Variants in VAV2 observed in about 807,000 individuals in gnomAD.
The protein encoded by VAV2 is guanine nucleotide exchange factor VAV2.
In VAV2, 67 loss-of-function variants were observed where a neutral mutation model predicts 132.5. The ratio of observed to expected loss-of-function variants is 0.51; its 90% CI spans 0.42 to 0.62. VAV2 has a LOEUF of 0.62. VAV2 is among the 20% of genes least tolerant of loss of function. VAV2 has a pLI of 0.00. For synonymous variants in VAV2, 492 were observed against 443.5 expected, an observed-to-expected ratio of 1.11 and a Z score of -1.37; for missense variants, 938 against 1,153.6, an observed-to-expected ratio of 0.81 and a Z score of 2.71.
chr9:133,866,553 C>G (rs1837807660), intron 2 of VAV2, among the ~76,000 whole-genome samples: 1 of 152,092 alleles, frequency 6.6e-6, no homozygotes, highest in Non-Finnish European at 1.5e-5. Flanking sequence ...CCTGTAATCC[C>G]AGCACTTTGG....
chr9:133,897,607 C>A (rs959940394), intron 2 of VAV2, among the ~76,000 whole-genome samples: 2 of 152,096 alleles, frequency 1.3e-5, no homozygotes, highest in Non-Finnish European at 1.5e-5. Context: ...TCCCCACCTC[C>A]GCAGCAACAC....
intron 2 of VAV2, among the ~76,000 whole-genome samples, chr9:133,936,836 G>A (rs1425044257): frequency 2.0e-5 from 3 of 152,156 alleles, no homozygotes; most frequent in Admixed American, 6.5e-5. Flanking sequence ...CACCACCACT[G>A]ACCGCCACGG....
chr9:133,807,337 G>C lies in VAV2; in HGVS notation c.667-11C>G, dbSNP rs929137876. On this transcript the variant is annotated splice_polypyrimidine_tract_variant and intron_variant, in intron 7 of 29. Coordinates refer to ENST00000371850, the MANE Select transcript of VAV2 (RefSeq NM_001134398.2). The stretch of plus-strand genomic sequence containing the variant: ...GGGGCTCATGTAGTTCTGGAAGAGA[G>C]AAGTCCACCTCTGCCACCCTGCTGC... 1.9e-6 allele frequency: 3 copies of C among 1,604,448 alleles called. No individual in the cohort carries two copies. Among genetic ancestry groups the C allele is most frequent in the Non-Finnish European group, 2.6e-6 (3 of 1,176,132 alleles).
chr9:133,939,260 T>C, intron 1 of VAV2, 41 bp from the exon 2 acceptor site: 5 of 1,561,226 alleles, frequency 3.2e-6, no homozygotes, highest in Non-Finnish European at 4.4e-6. Flanking sequence ...AAAAACTTAT[T>C]AAAACTGTAA....
chr9:133,935,147 C>T lies in VAV2; in HGVS notation c.321+3956G>A, dbSNP rs976003629. Among the ~76,000 whole-genome samples, 2 of 152,078 alleles carry T rather than the reference C, an allele frequency of 1.3e-5. No individual in the cohort carries two copies. The highest frequency in any genetic ancestry group is 1.9e-4 in the East Asian group (1 of 5,196). ...GGGTGGGAGGAACAGGGGGAGGGCA[C>T]GCAGCCATATCTTCATGGTCTGAGG... On this transcript the variant is annotated intron_variant, in intron 2 of 29. Coordinates refer to ENST00000371850, the MANE Select transcript of VAV2 (RefSeq NM_001134398.2). This position sits in a 1 kb window ranked among gnomAD's most constrained non-coding sequence, Gnocchi z 5.2.
At chr9:133,920,063 G>A (rs1329962221) in intron 2 of VAV2, among the ~76,000 whole-genome samples, 2 of 152,164 alleles carry the variant, frequency 1.3e-5, no homozygotes, top group African/African-American at 2.4e-5. Context: ...AGCTGCACGG[G>A]GAACTGACAG....
chr9:133,928,390 G>A lies in VAV2; in HGVS notation c.321+10713C>T, dbSNP rs1408821005. On this transcript the variant is annotated intron_variant, in intron 2 of 29. Transcript: ENST00000371850. The surrounding 1 kb of genome is among the most constrained non-coding windows in gnomAD (Gnocchi z 5.4). ...AACAGCCCCTGCGCCGGGCTCTGCCGGGAGCCTGAGGCAGCTCCCCACCCC... is the reference window on the plus strand; with the variant it reads ...AACAGCCCCTGCGCCGGGCTCTGCCAGGAGCCTGAGGCAGCTCCCCACCCC... Among the ~76,000 whole-genome samples, 1 of 152,144 alleles carries A rather than the reference G, an allele frequency of 6.6e-6. No individual in the cohort carries two copies. Among genetic ancestry groups the A allele is most frequent in the South Asian group, 2.1e-4 (1 of 4,836 alleles).
intron 9 of VAV2, among the ~76,000 whole-genome samples, chr9:133,801,887 G>T (rs1399783047): frequency 6.6e-6 from 1 of 152,200 alleles, no homozygotes; most frequent in Non-Finnish European, 1.5e-5. Flanking sequence ...GCCTCTGCAG[G>T]AAGCATGACC....
chr9:133,818,627 A>G (rs1243674592), intron 4 of VAV2, among the ~76,000 whole-genome samples: 2 of 152,196 alleles, frequency 1.3e-5, no homozygotes, highest in African/African-American at 2.4e-5. Context: ...TGCAGGCAGC[A>G]TATGGCGGGA....
intron 12 of VAV2, among the ~76,000 whole-genome samples, chr9:133,793,389 A>C (rs573366869): frequency 4.4e-4 from 67 of 152,134 alleles, no homozygotes; most frequent in Non-Finnish European, 8.8e-4. Flanking sequence ...CGTTCCTAGA[A>C]GACCTCACCA....
At chr9:133,974,936 T>TC (rs1842458095) in intron 1 of VAV2, among the ~76,000 whole-genome samples, 2 of 152,108 alleles carry the variant, frequency 1.3e-5, no homozygotes, top group Non-Finnish European at 2.9e-5. Flanking sequence ...TGTGGTACCG[T>TC]GGGGAGCGGG....
At chr9:133,911,497 T>C (rs1434704647) in intron 2 of VAV2, among the ~76,000 whole-genome samples, 2 of 152,246 alleles carry the variant, frequency 1.3e-5, no homozygotes, top group Non-Finnish European at 2.9e-5. Flanking sequence ...TGTCATGTCC[T>C]TATTTTTACA....
chr9:133,944,649 G>A (rs1841295057), intron 1 of VAV2, among the ~76,000 whole-genome samples: 1 of 152,242 alleles, frequency 6.6e-6, no homozygotes, highest in African/African-American at 2.4e-5. Flanking sequence ...AGGATTCAGG[G>A]GCAAATGGAG....
At position 133,794,711 on chromosome 9, in the gene VAV2, G is replaced by A. The variant is rs7037437; in HGVS notation, c.1101+957C>T. 0.55 allele frequency among the ~76,000 whole-genome samples: 83,457 copies of A among 151,640 alleles called. 23,375 individuals are homozygous for A. The highest frequency in any genetic ancestry group is 0.65 in the African/African-American group (26,697 of 41,322). On this transcript the variant is annotated intron_variant, in intron 12 of 29. Transcript: ENST00000371850. This position sits in a 1 kb window ranked among gnomAD's most constrained non-coding sequence, Gnocchi z 4.6. ...CTCCCGACGAGGGAGATGTGGGGGG[G>A]GTCGTCATCCCTCCACCCAGATGCA...
chr9:133,830,074 C>T (rs934887392), intron 4 of VAV2, among the ~76,000 whole-genome samples: 1 of 152,206 alleles, frequency 6.6e-6, no homozygotes, highest in East Asian at 1.9e-4. Flanking sequence ...GTGCCCCTCG[C>T]TGGTGTCCTA....
intron 2 of VAV2, among the ~76,000 whole-genome samples, chr9:133,900,315 A>T (rs1425913765): frequency 1.3e-5 from 2 of 151,818 alleles, no homozygotes; most frequent in Non-Finnish European, 1.5e-5. Context: ...CTCAGAAAAC[A>T]CTCCAACATG....
At chr9:133,896,103 G>A (rs1839190835) in intron 2 of VAV2, among the ~76,000 whole-genome samples, 1 of 83,192 alleles carries the variant, frequency 1.2e-5, no homozygotes, top group Admixed American at 1.1e-4. Context: ...TGTGTCCCTG[G>A]GTACTTAAGA....
rs746743644 is a variant in VAV2, at chr9:133,768,537, T to A, written c.2494A>T (p.Met832Leu). ...VARYNFAARD[M>L]RELSLREGDV... is the part of the protein sequence containing the mutation. Reference sequence around the variant, plus strand: ...CCCTCCCGCAGCGAAAGCTCCCTCATATCTCGGGCGGCAAAGTTATACCTG... The same window carrying A: ...CCCTCCCGCAGCGAAAGCTCCCTCAAATCTCGGGCGGCAAAGTTATACCTG... Residue 832 changes from methionine to leucine, a missense_variant, in exon 29 of 30, where the codon ATG (methionine) becomes TTG (leucine). Transcript: ENST00000371850. This position sits in a 1 kb window ranked among gnomAD's most constrained non-coding sequence, Gnocchi z 5.3. 1 of 1,613,822 alleles carries A rather than the reference T, an allele frequency of 6.2e-7. No individual in the cohort carries two copies. Among genetic ancestry groups the A allele is most frequent in the Admixed American group, 1.7e-5 (1 of 59,980 alleles).
chr9:133,820,902 G>C (rs1190332476), intron 4 of VAV2, among the ~76,000 whole-genome samples: 1 of 152,206 alleles, frequency 6.6e-6, no homozygotes, highest in South Asian at 2.1e-4. Context: ...CTAGACATGA[G>C]CTTGACGAGA....
Sources: gnomAD v4.1 joint callset for allele counts (sites outside exome capture counted in the v4.1 genomes callset) on GRCh38, gnomAD v4.1.1 for gene constraint, Gnocchi (gnomAD v3.1) non-coding constraint, MANE v1.5 for transcripts, NCBI Gene and HGNC (gene_info 2026-07-23, HGNC 2026-07-21) for gene names.